The following SLC25A40 variants were observed in gnomAD, a reference collection of about 807,000 sequenced individuals.
SLC25A40 encodes the protein mitochondrial glutathione transporter SLC25A40.
A neutral mutation model predicts 46.5 loss-of-function variants in SLC25A40; 41 were observed. The observed-to-expected ratio is 0.88, with a 90% CI of 0.69 to 1.14. The LOEUF is 1.14. Among genes scored for constraint, SLC25A40 ranks in the 50% most tolerant of loss-of-function variants. The pLI, the probability that SLC25A40 is intolerant of heterozygous loss-of-function variation, is 0.00. For missense variants in SLC25A40, 386 were observed against 393.6 expected, an observed-to-expected ratio of 0.98 and a Z score of 0.16; for synonymous variants, 126 against 127.5, an observed-to-expected ratio of 0.99 and a Z score of 0.08.
At chr7:87,848,110 G>T in intron 6 of SLC25A40, 133 bp from the exon 7 acceptor site, 1 of 974,716 alleles carries the variant, frequency 1.0e-6, no homozygotes, top group Non-Finnish European at 1.4e-6. Context: ...CAATAAATCA[G>T]CCTATGAGAT....
intron 6 of SLC25A40, among the ~76,000 whole-genome samples, chr7:87,849,072 G>A (rs1275042899): frequency 1.3e-5 from 2 of 152,152 alleles, no homozygotes; most frequent in African/African-American, 4.8e-5. Context: ...TCGCCAGGCA[G>A]TAGACAATTA....
intron 11 of SLC25A40, 26 bp downstream of exon 11, chr7:87,836,704 T>C (rs770243799): frequency 7.0e-7 from 1 of 1,427,614 alleles, no homozygotes; most frequent in South Asian, 1.3e-5. Context: ...TTCTATTCAA[T>C]GATTCGGTAA....
chr7:87,857,149 T>A (rs1838627047), intron 3 of SLC25A40, among the ~76,000 whole-genome samples: 1 of 152,200 alleles, frequency 6.6e-6, no homozygotes, highest in Admixed American at 6.5e-5. Context: ...AACAGAAAAC[T>A]GTGAACCAGA....
chr7:87,874,894 C>T (rs1447306546), intron 1 of SLC25A40, among the ~76,000 whole-genome samples: 1 of 152,222 alleles, frequency 6.6e-6, no homozygotes, highest in Non-Finnish European at 1.5e-5. Flanking sequence ...AATCAATTCT[C>T]TTATTTCACA....
At chr7:87,863,104 A>G (rs534639782) in intron 1 of SLC25A40, among the ~76,000 whole-genome samples, 1 of 152,232 alleles carries the variant, frequency 6.6e-6, no homozygotes, top group East Asian at 1.9e-4. Flanking sequence ...TAGTATGTCC[A>G]TTTACATCTT....
intron 9 of SLC25A40, chr7:87,842,218 G>A (rs913433844): frequency 1.9e-5 from 3 of 155,054 alleles, no homozygotes; most frequent in African/African-American, 7.2e-5. Context: ...TTATGTAAAT[G>A]TTTACATATT....
At chr7:87,861,169 C>T (rs1056755472) in intron 1 of SLC25A40, among the ~76,000 whole-genome samples, 4 of 152,062 alleles carry the variant, frequency 2.6e-5, no homozygotes, top group Admixed American at 2.6e-4. Flanking sequence ...TTTTAGCCTA[C>T]AAGACTATTG....
chr7:87,849,626 G>A (rs572148604), intron 6 of SLC25A40, among the ~76,000 whole-genome samples: 2 of 152,168 alleles, frequency 1.3e-5, no homozygotes, highest in Admixed American at 1.3e-4. Context: ...CTCCTGATGT[G>A]CCTTTTTCCC....
intron 8 of SLC25A40, among the ~76,000 whole-genome samples, chr7:87,846,655 T>C (rs1838425902): frequency 6.6e-6 from 1 of 152,144 alleles, no homozygotes; most frequent in Non-Finnish European, 1.5e-5. Context: ...AGAATAATAT[T>C]AAATGACTTA....
At chr7:87,852,166 G>A (rs934715640) in intron 5 of SLC25A40, among the ~76,000 whole-genome samples, 1 of 152,028 alleles carries the variant, frequency 6.6e-6, no homozygotes, top group Non-Finnish European at 1.5e-5. Context: ...CATACAAGTT[G>A]AATGCCATTC....
chr7:87,859,390 C>T (rs540881779), intron 2 of SLC25A40, among the ~76,000 whole-genome samples: 239 of 151,856 alleles, frequency 1.6e-3, no homozygotes, highest in Non-Finnish European at 2.3e-3. Flanking sequence ...TGCAGTGAGC[C>T]GAGATCGCAC....
Position 87,846,970 on chromosome 7 carries a change from G to A in SLC25A40, c.610C>T (p.Leu204Phe). ...SLWRGWAPTVLRDVPFSAMYW... is the reference protein window; with the variant it reads ...SLWRGWAPTVFRDVPFSAMYW... ...CTACCTGAGAAAGGTACATCTCTAAGAACAGTAGGAGCCCAGCCCCTCCAA... is the reference window on the plus strand; with the variant it reads ...CTACCTGAGAAAGGTACATCTCTAAAAACAGTAGGAGCCCAGCCCCTCCAA... The change falls in exon 8 of 12, where the codon CTT becomes TTT. Residue 204 changes from leucine (L) to phenylalanine (F), a missense_variant. By Grantham distance (22) the Leu-to-Phe change is conservative. Transcript: ENST00000341119. 1 of 1,611,822 alleles carries A rather than the reference G, an allele frequency of 6.2e-7. No homozygotes were observed. Among genetic ancestry groups the A allele is most frequent in the Non-Finnish European group, 8.5e-7 (1 of 1,179,118 alleles).
In SLC25A40 at chr7:87,834,319, T is replaced by A. The variant is rs879094472; in HGVS notation, c.*1930A>T. On this transcript the variant is annotated 3_prime_UTR_variant, in exon 12 of 12. Transcript: ENST00000341119. ...ACCTATTCCATAGACTGAATTTTTC[T>A]AGGTACTATTTTAATACAAATTATT... 3.0e-4 allele frequency: 46 copies of A among 151,822 alleles called. No homozygotes were observed. Among genetic ancestry groups the A allele is most frequent in the Admixed American group, 1.4e-3 (21 of 15,178 alleles). 9.4% of individuals were successfully genotyped at this position (151,822 alleles called of 1,614,324 possible).
intron 1 of SLC25A40, among the ~76,000 whole-genome samples, chr7:87,865,035 G>GGCA (rs1193274054): frequency 6.8e-6 from 1 of 147,796 alleles, no homozygotes; most frequent in Non-Finnish European, 1.5e-5. Context: ...GGAGTGCAAT[G>GGCA]GCAGGATCAC....
At chr7:87,846,913 G>A (rs1838430313) in intron 8 of SLC25A40, 36 bp downstream of exon 8, 1 of 1,534,120 alleles carries the variant, frequency 6.5e-7, no homozygotes. Context: ...ACAAAGCCAT[G>A]TAAAATTTAG....
intron 5 of SLC25A40, among the ~76,000 whole-genome samples, chr7:87,853,537 G>GA (rs1290429194): frequency 6.6e-6 from 1 of 152,056 alleles, no homozygotes; most frequent in East Asian, 1.9e-4. Flanking sequence ...CCAAAATCTG[G>GA]AAAAAACTCT....
intron 5 of SLC25A40, among the ~76,000 whole-genome samples, chr7:87,850,480 C>T (rs1202538599): frequency 6.6e-6 from 1 of 152,074 alleles, no homozygotes; most frequent in Non-Finnish European, 1.5e-5. Flanking sequence ...AATAAGCACA[C>T]GAAAAACTGT....
chr7:87,875,357 T>A (rs955827262), intron 1 of SLC25A40, among the ~76,000 whole-genome samples: 5 of 152,184 alleles, frequency 3.3e-5, no homozygotes, highest in Non-Finnish European at 5.9e-5. Context: ...CTCTGCGTTC[T>A]CCAGCTAATC....
intron 1 of SLC25A40, among the ~76,000 whole-genome samples, chr7:87,865,744 T>C (rs1838784346): frequency 1.3e-5 from 2 of 151,680 alleles, no homozygotes; most frequent in Middle Eastern, 3.4e-3. Context: ...TGCACTCTAG[T>C]TTGGGTGACA....
Sources: gnomAD v4.1 joint callset for allele counts (sites outside exome capture counted in the v4.1 genomes callset) on GRCh38, gnomAD v4.1.1 for gene constraint, MANE v1.5 for transcripts, NCBI Gene and HGNC (gene_info 2026-07-23, HGNC 2026-07-21) for gene names.